Variants in SEL1L3 observed in about 807,000 individuals in gnomAD.
The protein encoded by SEL1L3 is protein sel-1 homolog 3.
A neutral mutation model predicts 142.8 loss-of-function variants in SEL1L3; 76 were observed. The observed-to-expected ratio is 0.53, with a 90% CI of 0.44 to 0.64. The LOEUF (loss-of-function observed/expected upper bound fraction) is 0.64, where lower values mean the gene tolerates loss of function less well. Ranked by LOEUF, SEL1L3 falls within the 30% of genes least tolerant of loss-of-function variation. SEL1L3 has a pLI of 0.00. For synonymous variants in SEL1L3, 504 were observed against 519.6 expected, an observed-to-expected ratio of 0.97 and a Z score of 0.41; for missense variants, 1,262 against 1,381.7, an observed-to-expected ratio of 0.91 and a Z score of 1.37.
rs745450605 is a variant in SEL1L3, at chr4:25,767,613, A to C, written c.2761-4T>G. On this transcript the variant is annotated splice_region_variant and splice_polypyrimidine_tract_variant and intron_variant, in intron 18 of 23. Transcript: ENST00000399878. ...CCAAGTATCTCCTGGCCAGGTCCTA[A>C]GGGGTAAAGGGAAGAAAAAGTTAAT... 3 of 1,581,136 alleles carry C rather than the reference A, an allele frequency of 1.9e-6. No homozygotes were observed. The Admixed American group carries it at 5.2e-5, about 27-fold the overall frequency.
rs570448052 is a variant in SEL1L3 at position 25,773,487 on chromosome 4, G to C, written c.2669+2790C>G. On this transcript the variant is annotated intron_variant, in intron 17 of 23. Coordinates refer to ENST00000399878, the MANE Select transcript of SEL1L3 (RefSeq NM_015187.5). ...GATTACATGATAAAAGAAGAGAAAA[G>C]CCACCCTACTGACTCATGCCACATC... 31 of 152,158 alleles carry C rather than the reference G, an allele frequency of 2.0e-4. No individual in the cohort carries two copies. The East Asian group carries it at 5.6e-3, about 28-fold the overall frequency. The allele number at this position is 152,158 out of a possible 1,614,324, so 9.4% of individuals were successfully genotyped here.
intron 23 of SEL1L3, among the ~76,000 whole-genome samples, chr4:25,749,962 C>T (rs577666290): frequency 4.9e-4 from 75 of 151,924 alleles, no homozygotes; most frequent in African/African-American, 1.7e-3. Flanking sequence ...GGCCGGGCGC[C>T]GTGGCTCACG....
At chr4:25,833,299 G>C (rs1044302133) in intron 4 of SEL1L3, 149 bp downstream of exon 4, 2 of 775,356 alleles carry the variant, frequency 2.6e-6, no homozygotes, top group Non-Finnish European at 2.0e-6. Flanking sequence ...TGGGAAAGAA[G>C]TTAAATTTGA....
At chr4:25,764,820 G>A (rs952124452) in intron 20 of SEL1L3, among the ~76,000 whole-genome samples, 1 of 152,148 alleles carries the variant, frequency 6.6e-6, no homozygotes, top group African/African-American at 2.4e-5. Context: ...ATGGCGTGGG[G>A]GACACAGTAG....
intron 23 of SEL1L3, chr4:25,756,311 T>G (rs1000629785): frequency 1.4e-5 from 14 of 985,356 alleles, no homozygotes; most frequent in Non-Finnish European, 1.4e-5. Flanking sequence ...GTACCTACTA[T>G]GCATGAGTTA....
At chr4:25,755,840 C>G (rs1390668587) in intron 23 of SEL1L3, 3 of 972,638 alleles carry the variant, frequency 3.1e-6, no homozygotes, top group Non-Finnish European at 3.7e-6. Context: ...CACAATATTT[C>G]TACAGAGTAA....
At chr4:25,825,666 ATTTTTTTTT>A (rs33997941) in intron 6 of SEL1L3, among the ~76,000 whole-genome samples, 15 of 74,026 alleles carry the variant, frequency 2.0e-4, no homozygotes, top group African/African-American at 6.4e-4. Context: ...TCTAAATTCT[ATTTTTTTTT>A]TTTTTTTTTT....
At chr4:25,847,247 T>C in intron 2 of SEL1L3, 47 bp downstream of exon 2, 1 of 1,476,466 alleles carries the variant, frequency 6.8e-7, no homozygotes, top group Non-Finnish European at 9.3e-7. Flanking sequence ...TGATACAGGC[T>C]ATCTGAAAAA....
chr4:25,782,298 T>C lies in SEL1L3; in HGVS notation c.2401A>G (p.Asn801Asp). 1 of 1,613,916 alleles carries C rather than the reference T, an allele frequency of 6.2e-7. No individual in the cohort carries two copies. Among genetic ancestry groups the C allele is most frequent in the Non-Finnish European group, 8.5e-7 (1 of 1,179,804 alleles). The change falls in exon 15 of 24, where the codon AAT becomes GAT. Residue 801 changes from asparagine to aspartate, a missense_variant. Asn to Asp is a conservative substitution (Grantham distance 23, BLOSUM62 1). Around this residue, in one of 3 missense-constraint regions of SEL1L3, gnomAD observed 435 missense variants for 559.2 expected, o/e 0.78. Transcript: ENST00000399878. ...CCATCCAAATGCAGGACTCCAAGAT[T>C]GTATGACGCATCTGGGTTCCCCATT... ...EEMGNPDASY[N>D]LGVLHLDGIF...
At chr4:25,808,940 GCGA>G (rs1342396243) in intron 9 of SEL1L3, among the ~76,000 whole-genome samples, 3 of 150,972 alleles carry the variant, frequency 2.0e-5, no homozygotes, top group African/African-American at 7.3e-5. Flanking sequence ...GGGTGTGGTG[GCGA>G]GTGCCTGTAG....
At chr4:25,841,189 T>C (rs1716145324) in intron 2 of SEL1L3, among the ~76,000 whole-genome samples, 1 of 152,102 alleles carries the variant, frequency 6.6e-6, no homozygotes, top group African/African-American at 2.4e-5. Context: ...CATGCCACCA[T>C]GCCTGGCTAA....
intron 2 of SEL1L3, among the ~76,000 whole-genome samples, chr4:25,841,407 C>T (rs539872597): frequency 5.3e-5 from 8 of 152,318 alleles, no homozygotes; most frequent in Admixed American, 3.3e-4. Context: ...CTGAAGAAGC[C>T]ACACAAAGTG....
At chr4:25,715,572 G>A in the SEL1L3 span, among the ~76,000 whole-genome samples, 1 of 151,986 alleles carries the variant, frequency 6.6e-6, no homozygotes, top group African/African-American at 2.4e-5. Context: ...ATCTAAAAAT[G>A]TTTTCCCTAG....
At chr4:25,825,800 G>A (rs111604459) in intron 6 of SEL1L3, among the ~76,000 whole-genome samples, 1,833 of 145,916 alleles carry the variant, frequency 0.013, 37 homozygotes, top group African/African-American at 0.044. Context: ...TCAGCCTCCC[G>A]AGTAGCTGGG....
chr4:25,837,762 A>G (rs1023175545), intron 2 of SEL1L3, among the ~76,000 whole-genome samples: 3 of 152,154 alleles, frequency 2.0e-5, no homozygotes, highest in African/African-American at 7.2e-5. Flanking sequence ...AATAACATAT[A>G]GGATATGTTA....
At chr4:25,749,886 A>C (rs1717475042) in intron 23 of SEL1L3, among the ~76,000 whole-genome samples, 1 of 152,240 alleles carries the variant, frequency 6.6e-6, no homozygotes, top group Non-Finnish European at 1.5e-5. Context: ...ATTTCGCGAC[A>C]TGTGAAAAAT....
intron 1 of SEL1L3, among the ~76,000 whole-genome samples, chr4:25,860,103 G>C (rs1010590838): frequency 6.6e-6 from 1 of 152,228 alleles, no homozygotes; most frequent in African/African-American, 2.4e-5. Flanking sequence ...ACCTCTCTGA[G>C]TCTCTGTTAT....
At position 25,763,487 on chromosome 4, in the gene SEL1L3, T is replaced by C. The variant is rs189709296; in HGVS notation, c.2955+1839A>G. On this transcript the variant is annotated intron_variant, in intron 20 of 23. Coordinates refer to ENST00000399878, the MANE Select transcript of SEL1L3 (RefSeq NM_015187.5). Reference sequence around the variant, plus strand: ...ACAAAGAGCTATGGAGTGAGAGAGATGTGGGATTTTAACCCAGGTACATGA... The same window carrying C: ...ACAAAGAGCTATGGAGTGAGAGAGACGTGGGATTTTAACCCAGGTACATGA... Among the ~76,000 whole-genome samples, 193 of 152,160 alleles carry C rather than the reference T, an allele frequency of 1.3e-3. 1 individual carries two copies. Among genetic ancestry groups the C allele is most frequent in the Non-Finnish European group, 1.7e-3 (113 of 68,016 alleles).
chr4:25,795,569 A>G (rs1712676624), intron 11 of SEL1L3, among the ~76,000 whole-genome samples: 1 of 152,212 alleles, frequency 6.6e-6, no homozygotes, highest in Non-Finnish European at 1.5e-5. Context: ...GCAGACCATC[A>G]TGGCTCCCAT....
Sources: gnomAD v4.1 joint callset for allele counts (sites outside exome capture counted in the v4.1 genomes callset) on GRCh38, gnomAD v4.1.1 for gene constraint, gnomAD v4.1.1 regional missense constraint, MANE v1.5 for transcripts, NCBI Gene and HGNC (gene_info 2026-07-23, HGNC 2026-07-21) for gene names.